The following ADSS2 variants were observed in gnomAD, a reference collection of about 807,000 sequenced individuals.
ADSS2 encodes the protein adenylosuccinate synthase 2.
In ADSS2, 30 loss-of-function variants were observed where a neutral mutation model predicts 60.0. The observed-to-expected ratio is 0.50, with a 90% CI of 0.37 to 0.68. ADSS2 has a LOEUF of 0.68. ADSS2 is among the 30% of genes least tolerant of loss of function. The probability of loss-of-function intolerance (pLI) is 0.00; values close to 1 mark genes in which losing one functional copy is unlikely to be tolerated. For missense variants in ADSS2, 373 were observed against 554.8 expected, an observed-to-expected ratio of 0.67 and a Z score of 3.29; for synonymous variants, 187 against 193.1, an observed-to-expected ratio of 0.97 and a Z score of 0.26.
intron 4 of ADSS2, among the ~76,000 whole-genome samples, chr1:244,428,617 A>G (rs894969523): frequency 6.6e-6 from 1 of 151,970 alleles, no homozygotes; most frequent in African/African-American, 2.4e-5. Context: ...TAAACCAAAG[A>G]AAGTAGAAAG....
At chr1:244,425,855 A>C (rs551575429) in intron 4 of ADSS2, among the ~76,000 whole-genome samples, 133 of 152,266 alleles carry the variant, frequency 8.7e-4, no homozygotes, top group African/African-American at 3.1e-3. Context: ...CTTTAAAGCC[A>C]TATCAGTATA....
chr1:244,450,750 G>C (rs1421619788), intron 1 of ADSS2, among the ~76,000 whole-genome samples: 3 of 152,072 alleles, frequency 2.0e-5, no homozygotes, highest in African/African-American at 2.4e-5. Flanking sequence ...CAAAGGAAAC[G>C]ACAAATAGGA....
At chr1:244,417,160 T>C (rs1664552666) in intron 10 of ADSS2, among the ~76,000 whole-genome samples, 1 of 152,174 alleles carries the variant, frequency 6.6e-6, no homozygotes, top group Admixed American at 6.5e-5. Context: ...AAGTAGGTAA[T>C]GCTGTTATAT....
chr1:244,437,857 C>T, intron 1 of ADSS2, 89 bp from the exon 2 acceptor site: 2 of 988,464 alleles, frequency 2.0e-6, no homozygotes, highest in East Asian at 2.4e-5. Context: ...GACCTCCTGC[C>T]AAAAGGTCAA....
chr1:244,450,287 G>T (rs911371308), intron 1 of ADSS2, among the ~76,000 whole-genome samples: 4 of 152,228 alleles, frequency 2.6e-5, no homozygotes, highest in Non-Finnish European at 4.4e-5. Context: ...AAAGTGTGTT[G>T]CCAGAGGGGT....
At chr1:244,439,870 C>T (rs537298634) in intron 1 of ADSS2, among the ~76,000 whole-genome samples, 5 of 152,288 alleles carry the variant, frequency 3.3e-5, no homozygotes, top group East Asian at 3.9e-4. Context: ...CTGATCTAAA[C>T]GCTCCTTCCG....
At chr1:244,426,471 T>G (rs754928591) in intron 4 of ADSS2, among the ~76,000 whole-genome samples, 3 of 152,156 alleles carry the variant, frequency 2.0e-5, no homozygotes, top group Non-Finnish European at 2.9e-5. Flanking sequence ...CATTAATGCC[T>G]CCACTATTAC....
At chr1:244,442,745 T>C (rs1665278814) in intron 1 of ADSS2, among the ~76,000 whole-genome samples, 1 of 152,214 alleles carries the variant, frequency 6.6e-6, no homozygotes. Flanking sequence ...AGTTTTAGTA[T>C]ACTGTATTTT....
At chr1:244,430,550 T>C (rs185390984) in intron 4 of ADSS2, among the ~76,000 whole-genome samples, 1 of 152,350 alleles carries the variant, frequency 6.6e-6, no homozygotes, top group African/African-American at 2.4e-5. Context: ...ATACTGAATT[T>C]CACAGAGCAG....
chr1:244,437,296 T>C (rs1665127348), intron 2 of ADSS2, among the ~76,000 whole-genome samples: 1 of 152,172 alleles, frequency 6.6e-6, no homozygotes, highest in South Asian at 2.1e-4. Context: ...GCATCATTTA[T>C]TGTAAGGGTT....
intron 11 of ADSS2, among the ~76,000 whole-genome samples, chr1:244,413,933 T>C (rs1664473070): frequency 6.6e-6 from 1 of 152,070 alleles, no homozygotes. Flanking sequence ...TGAAACCTAT[T>C]ACAAACCTCC....
intron 3 of ADSS2, among the ~76,000 whole-genome samples, chr1:244,433,330 G>A (rs1256080174): frequency 6.6e-6 from 1 of 152,190 alleles, no homozygotes; most frequent in Non-Finnish European, 1.5e-5. Context: ...TCTAACAAGA[G>A]TTTTCTCACA....
At chr1:244,433,158 C>T (rs1271267804) in intron 3 of ADSS2, among the ~76,000 whole-genome samples, 1 of 152,072 alleles carries the variant, frequency 6.6e-6, no homozygotes, top group Non-Finnish European at 1.5e-5. Flanking sequence ...ATCACTTGAA[C>T]CCAGGAGGCA....
intron 9 of ADSS2, 139 bp from the exon 10 acceptor site, chr1:244,417,891 C>G (rs1212211044): frequency 1.3e-6 from 1 of 751,468 alleles, no homozygotes; most frequent in Non-Finnish European, 2.0e-6. Flanking sequence ...GATAGAATTC[C>G]ACAGAGATGA....
In ADSS2 at chr1:244,428,398, T is replaced by A. The variant is rs377362513; in HGVS notation, c.407-4011A>T. ...TTATTTTGAACTGAATGGAAATGAT[T>A]GTAAAAATAATATTTGCGGAATATC... is the stretch of plus-strand genomic sequence containing the variant. On this transcript the variant is annotated intron_variant, in intron 4 of 12. Transcript: ENST00000366535. Among the ~76,000 whole-genome samples the A allele has an allele frequency of 3.8e-4, 58 of 152,248 alleles. No homozygotes were observed. In the East Asian group the frequency reaches 6.8e-3, roughly 18 times the overall value.
At chr1:244,417,481 T>A in intron 10 of ADSS2, 147 bp downstream of exon 10, 1 of 924,000 alleles carries the variant, frequency 1.1e-6, no homozygotes, top group Non-Finnish European at 1.6e-6. Context: ...CTTCCCCCTA[T>A]ATCTTGGTCT....
intron 4 of ADSS2, among the ~76,000 whole-genome samples, chr1:244,427,077 C>A (rs917416332): frequency 2.6e-5 from 4 of 152,090 alleles, no homozygotes; most frequent in Non-Finnish European, 4.4e-5. Flanking sequence ...AGTGTCTCAA[C>A]CACTTCTCAG....
At chr1:244,434,478 T>C (rs1444145968) in intron 3 of ADSS2, among the ~76,000 whole-genome samples, 3 of 152,214 alleles carry the variant, frequency 2.0e-5, no homozygotes, top group Non-Finnish European at 2.9e-5. Context: ...AATGAAAAAT[T>C]TGTTTTTCCC....
chr1:244,450,942 G>C (rs892283062), intron 1 of ADSS2, among the ~76,000 whole-genome samples: 2 of 152,208 alleles, frequency 1.3e-5, no homozygotes, highest in Middle Eastern at 6.8e-3. Flanking sequence ...CTTCCTCTGG[G>C]ACCAACTAGT....
Sources: gnomAD v4.1 joint callset for allele counts (sites outside exome capture counted in the v4.1 genomes callset) on GRCh38, gnomAD v4.1.1 for gene constraint, MANE v1.5 for transcripts, NCBI Gene and HGNC (gene_info 2026-07-23, HGNC 2026-07-21) for gene names.